The following SORT1 variants were observed in gnomAD, a reference collection of about 807,000 sequenced individuals.
The protein encoded by SORT1 is sortilin.
SORT1 carries 39 observed loss-of-function variants against 101.7 expected under a neutral mutation model. That is an observed-to-expected ratio of 0.38 (90% CI 0.30 to 0.50). SORT1 has a LOEUF of 0.50. SORT1 is among the 20% of genes least tolerant of loss of function. The probability of loss-of-function intolerance (pLI) is 0.90; values close to 1 mark genes in which losing one functional copy is unlikely to be tolerated. For missense variants in SORT1, 878 were observed against 1,040.4 expected, an observed-to-expected ratio of 0.84 and a Z score of 2.15; for synonymous variants, 396 against 393.7, an observed-to-expected ratio of 1.01 and a Z score of -0.07.
chr1:109,355,652 C>CT (rs1286748631), intron 3 of SORT1, among the ~76,000 whole-genome samples, 183 bp from the exon 4 acceptor site: 6 of 137,706 alleles, frequency 4.4e-5, no homozygotes, highest in Non-Finnish European at 9.5e-5. Flanking sequence ...CCCGCCCCCC[C>CT]CCCCACAAAC....
rs534175939 is a variant in SORT1 at position 109,361,451 on chromosome 1, A to G, written c.440+5957T>C. Among the ~76,000 whole-genome samples, 3 of 152,326 alleles carry G rather than the reference A, an allele frequency of 2.0e-5. No homozygotes were observed. The East Asian group carries it at 5.8e-4, about 29-fold the overall frequency. ...CCATGGATTACTTAGGTATTCTCTA[A>G]GATGGAATTTTTCTCTACAGCCCTC... On this transcript the variant is annotated intron_variant, in intron 3 of 19. Transcript: ENST00000256637.
At chr1:109,381,978 G>C (rs1652273699) in intron 1 of SORT1, among the ~76,000 whole-genome samples, 1 of 151,566 alleles carries the variant, frequency 6.6e-6, no homozygotes, top group African/African-American at 2.4e-5. Flanking sequence ...AGTTTTTCTA[G>C]AGTGCATAAA....
At chr1:109,380,310 G>A (rs1218951687) in intron 1 of SORT1, among the ~76,000 whole-genome samples, 1 of 151,928 alleles carries the variant, frequency 6.6e-6, no homozygotes, top group Non-Finnish European at 1.5e-5. Context: ...GATACTAGAA[G>A]TATAAGCGAA....
intron 3 of SORT1, among the ~76,000 whole-genome samples, chr1:109,358,565 A>T (rs971250560): frequency 1.3e-5 from 2 of 152,240 alleles, no homozygotes; most frequent in Non-Finnish European, 2.9e-5. Flanking sequence ...TTTAGAAACA[A>T]GTCTTTTTGG....
intron 2 of SORT1, 113 bp downstream of exon 2, chr1:109,369,417 G>C: frequency 2.8e-6 from 2 of 715,930 alleles, no homozygotes; most frequent in East Asian, 2.7e-5. Flanking sequence ...TGTTTTCTGT[G>C]ATTGAGGCTA....
intron 1 of SORT1, among the ~76,000 whole-genome samples, chr1:109,378,807 G>A (rs897865325): frequency 7.1e-6 from 1 of 139,968 alleles, no homozygotes; most frequent in Non-Finnish European, 1.5e-5. Context: ...CAAATGGAGA[G>A]TGTGGGGAGA....
Position 109,347,494 on chromosome 1 carries a change from T to C in SORT1, c.821A>G (p.Asn274Ser), listed in dbSNP as rs766065922. 6.0e-5 allele frequency: 96 copies of C among 1,609,268 alleles called. No individual in the cohort carries two copies. The highest frequency in any genetic ancestry group is 7.7e-5 in the Non-Finnish European group (90 of 1,175,684). Residue 274 changes from asparagine to serine, a missense_variant, in exon 7 of 20, where the codon AAT becomes AGT. This residue lies in a region of SORT1 where 684 missense variants were observed against 894.5 expected (regional missense o/e 0.76). Coordinates refer to ENST00000256637, the MANE Select transcript of SORT1 (RefSeq NM_002959.7). ...TAAAATATACTTACTGCAGGAGCCA[T>C]TTGCATAGGTTGTAAAGAAGATGGT... ...DNTIFFTTYA[N>S]GSCKADLGAL...
chr1:109,373,288 A>AGCT (rs1250891475), intron 1 of SORT1, among the ~76,000 whole-genome samples: 4 of 152,130 alleles, frequency 2.6e-5, no homozygotes, highest in African/African-American at 9.7e-5. Context: ...GAGGAAGCTG[A>AGCT]TATATCGTCT....
chr1:109,379,535 T>C (rs1652088785), intron 1 of SORT1, among the ~76,000 whole-genome samples: 1 of 152,186 alleles, frequency 6.6e-6, no homozygotes, highest in African/African-American at 2.4e-5. Context: ...GTAAATATGC[T>C]GTTTCTGTGC....
chr1:109,329,961 A>G (rs1316323159), intron 11 of SORT1, among the ~76,000 whole-genome samples: 2 of 152,222 alleles, frequency 1.3e-5, no homozygotes, highest in Non-Finnish European at 2.9e-5. Context: ...TTAGGCCACA[A>G]AACAAGCCTT....
At chr1:109,319,243 T>G (rs191787238) in intron 15 of SORT1, among the ~76,000 whole-genome samples, 282 of 152,344 alleles carry the variant, frequency 1.9e-3, no homozygotes, top group Admixed American at 3.7e-3. Context: ...CTCTCCATAG[T>G]GCCACCCACT....
intron 8 of SORT1, among the ~76,000 whole-genome samples, chr1:109,344,770 A>G (rs1270006206): frequency 6.6e-6 from 1 of 152,142 alleles, no homozygotes; most frequent in Non-Finnish European, 1.5e-5. Context: ...ATCACAGCTC[A>G]CTGCAGCCTC....
Position 109,397,828 on chromosome 1 carries a change from A to G in SORT1, c.65T>C (p.Leu22Pro). ...CGACGGCGGCAGCAGCTGCAGGAGGAGGAGGAGGCCGAGGCCATGGGGCCA... is the reference window on the plus strand; with the variant it reads ...CGACGGCGGCAGCAGCTGCAGGAGGGGGAGGAGGCCGAGGCCATGGGGCCA... The part of the protein sequence containing the change: ...SRWPHGLGLL[L>P]LLQLLPPSTL... Residue 22 changes from leucine (L) to proline (P), a missense_variant, in exon 1 of 20, where the codon CTC becomes CCC. Physicochemically the swap from Leu to Pro is moderately conservative, Grantham distance 98. Coordinates refer to ENST00000256637, the MANE Select transcript of SORT1 (RefSeq NM_002959.7). 2 of 1,300,504 alleles carry G rather than the reference A, an allele frequency of 1.5e-6. No homozygotes were observed. The highest frequency in any genetic ancestry group is 2.9e-5 in the Admixed American group (1 of 34,074). The allele number at this position is 1,300,504 out of a possible 1,614,324, so 80.6% of individuals were successfully genotyped here.
At chr1:109,341,214 G>A (rs1444284659) in intron 9 of SORT1, among the ~76,000 whole-genome samples, 2 of 152,110 alleles carry the variant, frequency 1.3e-5, no homozygotes, top group Non-Finnish European at 2.9e-5. Context: ...TTACACTCTA[G>A]AACAATGCTT....
chr1:109,372,788 A>C (rs1651565530), intron 1 of SORT1, among the ~76,000 whole-genome samples: 1 of 151,422 alleles, frequency 6.6e-6, no homozygotes, highest in Admixed American at 6.6e-5. Flanking sequence ...AGTCCCAGCT[A>C]CTCCGGAGGC....
chr1:109,355,822 A>T (rs564064892), intron 3 of SORT1, among the ~76,000 whole-genome samples: 25 of 152,114 alleles, frequency 1.6e-4, no homozygotes, highest in Middle Eastern at 3.4e-3. Flanking sequence ...TCAGACCAGC[A>T]GTTCTCAATC....
rs1437748131 is a variant in SORT1, at chr1:109,309,855, G to A, written c.*4188C>T. On this transcript the variant is annotated 3_prime_UTR_variant, in exon 20 of 20. Transcript: ENST00000256637. ...CACATGCAGTAATGATCTTAATACT[G>A]CTTTACACTTTCGTGGGAAGGCAGC... The A allele has an allele frequency of 6.6e-6, 1 of 152,576 alleles. No individual in the cohort carries two copies. Among genetic ancestry groups the A allele is most frequent in the Non-Finnish European group, 1.5e-5 (1 of 68,046 alleles). 9.5% of individuals were successfully genotyped at this position (152,576 alleles called of 1,614,324 possible).
chr1:109,327,605 TGAAAA>T lies in SORT1; in HGVS notation c.1372-9_1372-5del. The T allele has an allele frequency of 6.4e-7, 1 of 1,557,038 alleles. No individual in the cohort carries two copies. The highest frequency in any genetic ancestry group is 8.7e-7 in the Non-Finnish European group (1 of 1,148,750). On this transcript the variant is annotated splice_region_variant and splice_polypyrimidine_tract_variant and intron_variant, in intron 11 of 19. Coordinates refer to ENST00000256637, the MANE Select transcript of SORT1 (RefSeq NM_002959.7). ...AAGCATGAATATGAAGGCTGCACTG[TGAAAA>T]GAAACAAAAGCGTAGATTAGAACCA...
At chr1:109,389,537 T>G (rs1652779321) in intron 1 of SORT1, among the ~76,000 whole-genome samples, 1 of 152,176 alleles carries the variant, frequency 6.6e-6, no homozygotes, top group African/African-American at 2.4e-5. Flanking sequence ...GCAAAAGGGC[T>G]CTGACCAGCT....
Sources: allele counts gnomAD v4.1 joint callset (sites outside exome capture counted in the v4.1 genomes callset), GRCh38; gene constraint gnomAD v4.1.1; regional missense constraint gnomAD v4.1.1; transcripts MANE v1.5; gene names NCBI Gene and HGNC (gene_info 2026-07-23, HGNC 2026-07-21).